FNIP2: variants seen among roughly 807,000 people sequenced by gnomAD.
FNIP2 encodes folliculin interacting protein 2.
Under a neutral mutation model 108.7 loss-of-function variants are expected in FNIP2, and 32 were observed. That is an observed-to-expected ratio of 0.29 (90% CI 0.22 to 0.40). The LOEUF (loss-of-function observed/expected upper bound fraction) is 0.40. Ranked by LOEUF, FNIP2 falls within the 10% of genes least tolerant of loss-of-function variation. The pLI is 1.00. For synonymous variants in FNIP2, 480 were observed against 496.7 expected (o/e 0.97, Z 0.45); for missense variants, 1,202 against 1,381.6 (o/e 0.87, Z 2.06).
In FNIP2 at chr4:158,905,637, C is replaced by A. The variant is rs1370383374; in HGVS notation, c.*1093C>A. The stretch of plus-strand genomic sequence containing the variant: ...CTGCATCCTTTTCAAAACATCTTTC[C>A]AGACATTAACTTACACATTGTATAA... On this transcript the variant is annotated 3_prime_UTR_variant, in exon 17 of 17. Transcript: ENST00000264433. 2.0e-5 allele frequency: 3 copies of A among 150,846 alleles called. No individual in the cohort carries two copies. Among genetic ancestry groups the A allele is most frequent in the African/African-American group, 7.3e-5 (3 of 40,880 alleles). 9.3% of individuals were successfully genotyped at this position (150,846 alleles called of 1,614,324 possible).
chr4:158,826,032 T>G lies in FNIP2; in HGVS notation c.224T>G (p.Val75Gly). 6.2e-7 allele frequency: 1 copy of G among 1,606,750 alleles called. No homozygotes were observed. Among genetic ancestry groups the G allele is most frequent in the Non-Finnish European group, 8.5e-7 (1 of 1,174,106 alleles). ...DSKAVQKIEE[V>G]TAQKTEDVPI... is the part of the protein sequence containing the mutation. ...AAAGCTGTTCAAAAGATTGAGGAGGTGACAGCTCAGGTATGAAATGCTGAT... is the reference window on the plus strand; with the variant it reads ...AAAGCTGTTCAAAAGATTGAGGAGGGGACAGCTCAGGTATGAAATGCTGAT... The change falls in exon 2 of 17, where the codon GTG becomes GGG. Residue 75 changes from valine to glycine, a missense_variant. Transcript: ENST00000264433.
chr4:158,789,323 G>GTA (rs1203331088), intron 1 of FNIP2, among the ~76,000 whole-genome samples: 1 of 2,572 alleles, frequency 3.9e-4, no homozygotes, highest in Non-Finnish European at 5.3e-3. Context: ...GTGTGTGTAT[G>GTA]TGTGTGTGTG....
At chr4:158,781,336 CTG>C (rs748440256) in intron 1 of FNIP2, among the ~76,000 whole-genome samples, 13 of 152,178 alleles carry the variant, frequency 8.5e-5, no homozygotes, top group Admixed American at 3.3e-4. Flanking sequence ...GGACCGGTCT[CTG>C]TGAAATCAGA....
intron 3 of FNIP2, among the ~76,000 whole-genome samples, chr4:158,829,715 T>G (rs1041463604): frequency 3.3e-5 from 5 of 150,956 alleles, no homozygotes; most frequent in Admixed American, 6.6e-5. Context: ...GTGTGGGGTG[T>G]GTGTGTGTGT....
In FNIP2 at chr4:158,907,091, A is replaced by G. The variant is rs985947936; in HGVS notation, c.*2547A>G. ...CAAGCAAGCTAGTGAGGCATGACAG[A>G]GCAGAAGTCTGTAAATGTCCCTGTG... On this transcript the variant is annotated 3_prime_UTR_variant, in exon 17 of 17. Transcript: ENST00000264433. 1 of 152,216 alleles carries G rather than the reference A, an allele frequency of 6.6e-6. No homozygotes were observed. Among genetic ancestry groups the G allele is most frequent in the African/African-American group, 2.4e-5 (1 of 41,452 alleles). 9.4% of individuals were successfully genotyped at this position (152,216 alleles called of 1,614,324 possible). A position where few individuals can be genotyped will look rare whatever the true frequency, so the allele number is the denominator to read the frequency against.
intron 13 of FNIP2, 118 bp from the exon 14 acceptor site, chr4:158,870,195 A>G (rs1780856847): frequency 4.4e-6 from 5 of 1,137,614 alleles, no homozygotes; most frequent in African/African-American, 1.5e-5. Flanking sequence ...GGTTGGTGAC[A>G]TGGACCACCC....
intron 14 of FNIP2, among the ~76,000 whole-genome samples, chr4:158,885,318 G>A (rs958465196): frequency 6.6e-6 from 1 of 152,174 alleles, no homozygotes; most frequent in Admixed American, 6.5e-5. Flanking sequence ...AACCATATCA[G>A]GGGTCTTATT....
chr4:158,839,809 C>G (rs773931070), intron 7 of FNIP2, among the ~76,000 whole-genome samples: 14 of 152,154 alleles, frequency 9.2e-5, no homozygotes, highest in Admixed American at 2.0e-4. Flanking sequence ...TCTGGCAAGA[C>G]AAGATGCTCC....
chr4:158,825,072 T>G (rs1349153791), intron 1 of FNIP2, among the ~76,000 whole-genome samples: 1 of 152,184 alleles, frequency 6.6e-6, no homozygotes, highest in East Asian at 1.9e-4. Context: ...GGGGACCAGG[T>G]CTGTCTGGTT....
At chr4:158,805,207 G>C (rs1463250545) in intron 1 of FNIP2, among the ~76,000 whole-genome samples, 1 of 152,184 alleles carries the variant, frequency 6.6e-6, no homozygotes, top group Non-Finnish European at 1.5e-5. Flanking sequence ...CAGGTTTTAG[G>C]AATCCATTAA....
chr4:158,806,242 C>G lies in FNIP2; in HGVS notation c.108-19674C>G, dbSNP rs758472084. 3.1e-5 allele frequency: 40 copies of G among 1,289,142 alleles called. No homozygotes were observed. In the South Asian group the frequency reaches 3.6e-4, roughly 12 times the overall value. 79.9% of individuals were successfully genotyped at this position (1,289,142 alleles called of 1,614,324 possible). On this transcript the variant is annotated intron_variant, in intron 1 of 16. Coordinates refer to ENST00000264433, the MANE Select transcript of FNIP2 (RefSeq NM_020840.3). ...TAAACCAGAAGAACATTAAACCGTT[C>G]AGGAGATGTGCGGCGGCACAGCGAA...
At chr4:158,776,965 A>G (rs957377492) in intron 1 of FNIP2, among the ~76,000 whole-genome samples, 2 of 152,182 alleles carry the variant, frequency 1.3e-5, no homozygotes, top group African/African-American at 2.4e-5. Context: ...TTTTGTCAAT[A>G]TTAGTGAATT....
chr4:158,837,604 A>G (rs1329928326), intron 7 of FNIP2, among the ~76,000 whole-genome samples: 2 of 152,238 alleles, frequency 1.3e-5, no homozygotes, highest in Non-Finnish European at 1.5e-5. Flanking sequence ...TCTTTGAGAA[A>G]CAGGAAAGTT....
intron 12 of FNIP2, among the ~76,000 whole-genome samples, chr4:158,866,800 C>T (rs538803520): frequency 1.4e-4 from 22 of 152,278 alleles, no homozygotes; most frequent in Admixed American, 3.9e-4. Flanking sequence ...TGGTCTCAAA[C>T]TCCTGACCTC....
chr4:158,861,556 G>A, intron 11 of FNIP2, 51 bp from the exon 12 acceptor site: 1 of 1,613,630 alleles, frequency 6.2e-7, no homozygotes. Flanking sequence ...CATAGGATGT[G>A]CCTCTTTCTG....
At position 158,869,070 on chromosome 4, in the gene FNIP2, C is replaced by A; in HGVS notation, c.2434C>A (p.Gln812Lys). 6.2e-7 allele frequency: 1 copy of A among 1,613,986 alleles called. No homozygotes were observed. Among genetic ancestry groups the A allele is most frequent in the Non-Finnish European group, 8.5e-7 (1 of 1,179,882 alleles). Residue 812 changes from glutamine to lysine, a missense_variant, in exon 13 of 17, where the codon CAG (glutamine) becomes AAG (lysine). Around this residue, in one of 5 missense-constraint regions of FNIP2, gnomAD observed 878 missense variants for 990.3 expected, o/e 0.89. Coordinates refer to ENST00000264433, the MANE Select transcript of FNIP2 (RefSeq NM_020840.3). ...RNDMAADIAGQLSHAADLGTA... is the reference protein window; with the variant it reads ...RNDMAADIAGKLSHAADLGTA... ...CGACATGGCAGCAGATATTGCTGGGCAGCTCAGCCACGCTGCTGACTTGGG... is the reference window on the plus strand; with the variant it reads ...CGACATGGCAGCAGATATTGCTGGGAAGCTCAGCCACGCTGCTGACTTGGG...
At chr4:158,849,447 T>C (rs2126645512) in intron 7 of FNIP2, among the ~76,000 whole-genome samples, 1 of 152,218 alleles carries the variant, frequency 6.6e-6, no homozygotes, top group African/African-American at 2.4e-5. Context: ...AGGAGAAAAG[T>C]ATTTATCCAG....
At chr4:158,892,206 C>T (rs1321226950) in intron 15 of FNIP2, among the ~76,000 whole-genome samples, 1 of 131,492 alleles carries the variant, frequency 7.6e-6, no homozygotes, top group Non-Finnish European at 1.5e-5. Flanking sequence ...GGCATGATCT[C>T]TGCTCACTGC....
At chr4:158,772,681 CT>C (rs902167580) in intron 1 of FNIP2, among the ~76,000 whole-genome samples, 2 of 152,204 alleles carry the variant, frequency 1.3e-5, no homozygotes, top group Non-Finnish European at 2.9e-5. Context: ...CAAATTTAAT[CT>C]GTTATAGAGT....
Sources: gnomAD v4.1 joint callset for allele counts (sites outside exome capture counted in the v4.1 genomes callset) on GRCh38, gnomAD v4.1.1 for gene constraint, gnomAD v4.1.1 regional missense constraint, MANE v1.5 for transcripts, NCBI Gene and HGNC (gene_info 2026-07-23, HGNC 2026-07-21) for gene names.